Variants in ARMC2 observed in about 807,000 individuals in gnomAD.
The protein encoded by ARMC2 is armadillo repeat-containing protein 2.
A neutral mutation model predicts 90.3 loss-of-function variants in ARMC2; 67 were observed. The observed-to-expected ratio is 0.74, with a 90% confidence interval of 0.61 to 0.91. ARMC2 has a LOEUF of 0.91. Ranked by LOEUF, ARMC2 falls within the 40% of genes least tolerant of loss-of-function variation. The pLI is 0.00. For missense variants in ARMC2, 920 were observed against 1,030.9 expected (o/e 0.89, Z 1.47); for synonymous variants, 393 against 393.0 (o/e 1.00, Z 0.00).
At chr6:108,871,461 A>C (rs1300561709) in intron 4 of ARMC2, among the ~76,000 whole-genome samples, 2 of 152,302 alleles carry the variant, frequency 1.3e-5, no homozygotes, top group Non-Finnish European at 2.9e-5. Context: ...GGGTTTGCCA[A>C]GATGAGAGGG....
At chr6:108,991,598 A>G in the ARMC2 span, among the ~76,000 whole-genome samples, 2 of 152,048 alleles carry the variant, frequency 1.3e-5, no homozygotes, top group Non-Finnish European at 2.9e-5. Flanking sequence ...TCCTACCTGC[A>G]CTTCTGCCTT....
At chr6:109,003,118 C>T in the ARMC2 span, among the ~76,000 whole-genome samples, 10 of 151,948 alleles carry the variant, frequency 6.6e-5, no homozygotes, top group African/African-American at 2.4e-4. Context: ...CTCCCTCACC[C>T]TCCCCATATA....
At chr6:108,912,800 A>G (rs749987081) in intron 10 of ARMC2, among the ~76,000 whole-genome samples, 1 of 152,232 alleles carries the variant, frequency 6.6e-6, no homozygotes, top group African/African-American at 2.4e-5. Flanking sequence ...ACTGCCCTGC[A>G]GAGAAAGCAG....
At chr6:108,912,655 C>A in intron 10 of ARMC2, 97 bp downstream of exon 10, 1 of 1,148,910 alleles carries the variant, frequency 8.7e-7, no homozygotes, top group Non-Finnish European at 1.2e-6. Flanking sequence ...GCCCCTACAG[C>A]CAGGTGTGGG....
At chr6:108,962,986 G>C (rs936720137) in intron 15 of ARMC2, among the ~76,000 whole-genome samples, 1 of 152,004 alleles carries the variant, frequency 6.6e-6, no homozygotes, top group Non-Finnish European at 1.5e-5. Context: ...GAGACAGAGC[G>C]ACACTCTATC....
the ARMC2 span, among the ~76,000 whole-genome samples, chr6:109,016,368 T>G: frequency 7.9e-3 from 1,199 of 152,308 alleles, 20 homozygotes; most frequent in African/African-American, 0.028. Context: ...TCTTGCACAG[T>G]TCAAAGAACC....
intron 9 of ARMC2, 60 bp downstream of exon 9, chr6:108,911,061 C>A: frequency 9.5e-7 from 1 of 1,052,208 alleles, no homozygotes; most frequent in Non-Finnish European, 1.4e-6. Flanking sequence ...AATTAGAAGT[C>A]TGGAGAGAAA....
At chr6:108,996,432 C>T in the ARMC2 span, among the ~76,000 whole-genome samples, 14,966 of 152,104 alleles carry the variant, frequency 0.098, 905 homozygotes, top group Middle Eastern at 0.2. Flanking sequence ...GGTTTCATGA[C>T]AGGATGACTC....
chr6:108,890,207 A>C (rs1244485745), intron 5 of ARMC2, among the ~76,000 whole-genome samples: 343 of 128,718 alleles, frequency 2.7e-3, no homozygotes, highest in Non-Finnish European at 4.1e-3. Context: ...AAAAAAAAAA[A>C]AAAAAAAAAA....
In ARMC2 at chr6:108,868,216, T is replaced by C. The variant is rs187832770; in HGVS notation, c.292-608T>C. 5.4e-3 allele frequency among the ~76,000 whole-genome samples: 592 copies of C among 109,206 alleles called. 3 individuals carry two copies. Among genetic ancestry groups the C allele is most frequent in the African/African-American group, 0.02 (555 of 28,150 alleles). 71.6% of individuals were successfully genotyped at this position (109,206 alleles called of 152,430 possible). A position where few individuals can be genotyped will look rare whatever the true frequency, so the allele number is the denominator to read the frequency against. ...TATATGTAATTTTGTAGTCTTTTTTTATTTGGGGGTGGGGGGGCGGGATGG... is the reference window on the plus strand; with the variant it reads ...TATATGTAATTTTGTAGTCTTTTTTCATTTGGGGGTGGGGGGGCGGGATGG... On this transcript the variant is annotated intron_variant, in intron 3 of 17. Transcript: ENST00000392644.
At chr6:108,934,109 G>A (rs1296298305) in intron 11 of ARMC2, among the ~76,000 whole-genome samples, 1 of 152,106 alleles carries the variant, frequency 6.6e-6, no homozygotes. Flanking sequence ...TGATCCACCC[G>A]TCTCAGCCTC....
At chr6:108,901,991 T>A (rs1772210221) in intron 7 of ARMC2, among the ~76,000 whole-genome samples, 1 of 152,238 alleles carries the variant, frequency 6.6e-6, no homozygotes, top group Non-Finnish European at 1.5e-5. Flanking sequence ...GCAGAGCACA[T>A]GAGTGCTGCT....
chr6:109,018,799 T>C, the ARMC2 span, among the ~76,000 whole-genome samples: 1 of 152,186 alleles, frequency 6.6e-6, no homozygotes, highest in African/African-American at 2.4e-5. Context: ...TATCTAAGTC[T>C]ATAATTTCAG....
At chr6:108,869,104 T>A in intron 4 of ARMC2, 109 bp downstream of exon 4, 1 of 1,193,454 alleles carries the variant, frequency 8.4e-7, no homozygotes, top group Non-Finnish European at 1.1e-6. Context: ...ATTTTTATAT[T>A]AACTAAGATT....
chr6:108,937,662 AATC>A (rs1776061431), intron 12 of ARMC2, among the ~76,000 whole-genome samples: 1 of 152,212 alleles, frequency 6.6e-6, no homozygotes, highest in Non-Finnish European at 1.5e-5. Flanking sequence ...TCATTAATCA[AATC>A]ATAATATTTC....
chr6:108,972,625 A>G (rs1169002539), intron 17 of ARMC2, among the ~76,000 whole-genome samples: 3 of 152,218 alleles, frequency 2.0e-5, no homozygotes, highest in Non-Finnish European at 4.4e-5. Context: ...TACATATAAA[A>G]AACTAAGGAA....
chr6:109,031,949 C>T, the ARMC2 span, among the ~76,000 whole-genome samples: 2 of 152,106 alleles, frequency 1.3e-5, no homozygotes, highest in African/African-American at 2.4e-5. Flanking sequence ...GTTTCATATA[C>T]ACCTTATACA....
At chr6:108,933,863 G>A (rs1015938862) in intron 11 of ARMC2, among the ~76,000 whole-genome samples, 4 of 151,894 alleles carry the variant, frequency 2.6e-5, no homozygotes, top group Non-Finnish European at 5.9e-5. Context: ...TTTTTGTTTT[G>A]TTTTGATTTG....
At chr6:109,046,062 C>T in the ARMC2 span, among the ~76,000 whole-genome samples, 1 of 152,278 alleles carries the variant, frequency 6.6e-6, no homozygotes, top group South Asian at 2.1e-4. Flanking sequence ...TATTTACAAG[C>T]TTAAAAAAAT....
Sources: allele counts gnomAD v4.1 joint callset (sites outside exome capture counted in the v4.1 genomes callset), GRCh38; gene constraint gnomAD v4.1.1; transcripts MANE v1.5; gene names NCBI Gene and HGNC (gene_info 2026-07-23, HGNC 2026-07-21).